TRIM5: variants seen among roughly 807,000 people sequenced by gnomAD.
TRIM5 encodes the protein tripartite motif-containing protein 5.
A neutral mutation model predicts 35.6 loss-of-function variants in TRIM5; 31 were observed. That is an observed-to-expected ratio of 0.87 (90% CI 0.65 to 1.18). TRIM5 has a LOEUF of 1.18. Ranked by LOEUF, TRIM5 falls within the 50% of genes most tolerant of loss-of-function variation. TRIM5 has a pLI of 0.00. For synonymous variants in TRIM5, 243 were observed against 215.6 expected (o/e 1.13, Z -1.11); for missense variants, 609 against 591.6 (o/e 1.03, Z -0.31).
At chr11:5,656,442 C>T in the TRIM5 span, among the ~76,000 whole-genome samples, 1 of 151,728 alleles carries the variant, frequency 6.6e-6, no homozygotes, top group South Asian at 2.1e-4. Flanking sequence ...CAACCTCTGC[C>T]TCCCAGGTTC....
the TRIM5 span, chr11:5,595,429 C>A: frequency 1.3e-5 from 2 of 152,264 alleles, no homozygotes; most frequent in East Asian, 1.9e-4. Flanking sequence ...TACATACATA[C>A]GTGTAATTTT....
At chr11:5,610,907 C>A in the TRIM5 span, 2 of 1,614,028 alleles carry the variant, frequency 1.2e-6, no homozygotes, top group African/African-American at 1.3e-5. Flanking sequence ...ACTGTAGTGT[C>A]CTGGGCTCCC....
chr11:5,603,326 T>C, the TRIM5 span: 2 of 1,613,988 alleles, frequency 1.2e-6, no homozygotes, highest in Non-Finnish European at 1.7e-6. Flanking sequence ...ACTTCACCAG[T>C]ACTGGTGGAC....
At chr11:5,654,624 G>A in the TRIM5 span, among the ~76,000 whole-genome samples, 1 of 152,142 alleles carries the variant, frequency 6.6e-6, no homozygotes, top group Non-Finnish European at 1.5e-5. Flanking sequence ...TGGCAGATGT[G>A]GGTGAGTGTG....
the TRIM5 span, chr11:5,642,741 A>G: frequency 6.3e-7 from 1 of 1,586,578 alleles, no homozygotes; most frequent in Admixed American, 1.8e-5. Context: ...CCCTGTCCCT[A>G]CTCTAAAGAA....
chr11:5,593,755 G>C, the TRIM5 span, among the ~76,000 whole-genome samples: 2 of 152,184 alleles, frequency 1.3e-5, no homozygotes, highest in African/African-American at 4.8e-5. Context: ...ATACCACCCT[G>C]AGTCTAGAAC....
At chr11:5,654,860 T>G in the TRIM5 span, among the ~76,000 whole-genome samples, 2 of 152,138 alleles carry the variant, frequency 1.3e-5, no homozygotes, top group Admixed American at 1.3e-4. Flanking sequence ...AATTTCATTA[T>G]GTACCACAGC....
At chr11:5,610,235 A>C in the TRIM5 span, 137 of 1,614,126 alleles carry the variant, frequency 8.5e-5, 2 homozygotes, top group South Asian at 1.4e-3. Context: ...GGATGCTGCG[A>C]GTGTGTAGAG....
chr11:5,683,417 G>A (rs894376108), intron 1 of TRIM5, among the ~76,000 whole-genome samples: 2 of 152,236 alleles, frequency 1.3e-5, no homozygotes, highest in African/African-American at 2.4e-5. Context: ...CTAAGGGATT[G>A]TAAATGCACC....
downstream of TRIM5, among the ~76,000 whole-genome samples, chr11:5,659,984 C>CT (rs914401321): frequency 2.3e-4 from 35 of 149,014 alleles, no homozygotes; most frequent in East Asian, 7.9e-4. Flanking sequence ...ACAAATCATT[C>CT]TTTTTTTTTT....
the TRIM5 span, among the ~76,000 whole-genome samples, chr11:5,647,617 G>A: frequency 6.6e-6 from 1 of 152,110 alleles, no homozygotes; most frequent in African/African-American, 2.4e-5. Context: ...CCACCTCCCG[G>A]GTTCAAGCAG....
At chr11:5,660,275 C>T (rs922890746), downstream of TRIM5, among the ~76,000 whole-genome samples, 1 of 152,028 alleles carries the variant, frequency 6.6e-6, no homozygotes, top group Non-Finnish European at 1.5e-5. Flanking sequence ...GCGTCCGGCT[C>T]ATTCTTGTTT....
the TRIM5 span, among the ~76,000 whole-genome samples, chr11:5,609,711 A>G: frequency 1.3e-5 from 2 of 152,170 alleles, no homozygotes; most frequent in Non-Finnish European, 2.9e-5. Flanking sequence ...TCACGAGGTC[A>G]GGAGATCAAA....
the TRIM5 span, among the ~76,000 whole-genome samples, chr11:5,616,570 CAGTT>C: frequency 8.3e-5 from 12 of 144,780 alleles, 3 homozygotes; most frequent in South Asian, 2.3e-4. Context: ...GAGACTCAGT[CAGTT>C]AGGGGATAAA....
At chr11:5,605,147 C>G in the TRIM5 span, 2 of 738,320 alleles carry the variant, frequency 2.7e-6, no homozygotes, top group East Asian at 2.8e-5. Context: ...GGCCAATGGT[C>G]TGGGCAGAGC....
the TRIM5 span, among the ~76,000 whole-genome samples, chr11:5,623,730 T>C: frequency 2.0e-5 from 3 of 152,106 alleles, no homozygotes; most frequent in Non-Finnish European, 2.9e-5. Context: ...ACTAACCTGA[T>C]AGTAATTGAC....
chr11:5,635,200 G>A, the TRIM5 span, among the ~76,000 whole-genome samples: 1 of 150,576 alleles, frequency 6.6e-6, no homozygotes, highest in East Asian at 1.9e-4. Flanking sequence ...TTTAAGAAAT[G>A]TGTTCTATTT....
the TRIM5 span, among the ~76,000 whole-genome samples, chr11:5,639,244 T>C: frequency 6.6e-6 from 1 of 152,158 alleles, no homozygotes; most frequent in African/African-American, 2.4e-5. Flanking sequence ...ATCAAAATTA[T>C]AGTAAAGGGT....
the TRIM5 span, among the ~76,000 whole-genome samples, chr11:5,648,478 C>T: frequency 6.6e-5 from 10 of 152,028 alleles, no homozygotes; most frequent in South Asian, 2.1e-3. Context: ...TGCACTCCAG[C>T]CTGGGCGACA....
Sources: allele counts gnomAD v4.1 joint callset (sites outside exome capture counted in the v4.1 genomes callset), GRCh38; gene constraint gnomAD v4.1.1; transcripts MANE v1.5; gene names NCBI Gene and HGNC (gene_info 2026-07-23, HGNC 2026-07-21).